The following PLCB1 variants were observed in gnomAD, a reference collection of about 807,000 sequenced individuals.
PLCB1 encodes the protein 1-phosphatidylinositol 4,5-bisphosphate phosphodiesterase beta-1.
Under a neutral mutation model 161.8 loss-of-function variants are expected in PLCB1, and 46 were observed. The ratio of observed to expected loss-of-function variants is 0.28; its 90% CI spans 0.22 to 0.36. PLCB1 has a LOEUF of 0.36. Ranked by LOEUF, PLCB1 falls within the 10% of genes least tolerant of loss-of-function variation. PLCB1 has a pLI of 1.00. For missense variants in PLCB1, 1,016 were observed against 1,472.5 expected (o/e 0.69, Z 5.07); for synonymous variants, 517 against 503.7 (o/e 1.03, Z -0.35).
intron 3 of PLCB1, among the ~76,000 whole-genome samples, chr20:8,425,130 GTT>G (rs10629165): frequency 1.4e-4 from 20 of 140,472 alleles, no homozygotes; most frequent in Non-Finnish European, 1.7e-4. Flanking sequence ...ATTCTGAGGT[GTT>G]TTTTTTTTTT....
intron 2 of PLCB1, among the ~76,000 whole-genome samples, chr20:8,183,773 A>C (rs745544091): frequency 2.6e-5 from 4 of 152,228 alleles, no homozygotes; most frequent in Non-Finnish European, 4.4e-5. Context: ...ACAGGTTTCC[A>C]TATGTTTTTG....
At chr20:8,805,623 G>A (rs866753313) in intron 31 of PLCB1, among the ~76,000 whole-genome samples, 13 of 152,178 alleles carry the variant, frequency 8.5e-5, no homozygotes, top group Admixed American at 2.0e-4. Context: ...CACCTTTAAA[G>A]CACATAACAT....
At chr20:8,516,892 A>G (rs977639745) in intron 3 of PLCB1, among the ~76,000 whole-genome samples, 1 of 151,920 alleles carries the variant, frequency 6.6e-6, no homozygotes, top group Non-Finnish European at 1.5e-5. Flanking sequence ...GCTAAGTACA[A>G]CACAGTTCCA....
chr20:8,779,278 G>A (rs545617079), intron 27 of PLCB1, among the ~76,000 whole-genome samples: 30 of 151,996 alleles, frequency 2.0e-4, no homozygotes, highest in Middle Eastern at 3.4e-3. Flanking sequence ...CACTGGAGAC[G>A]AAAATGAATA....
intron 3 of PLCB1, among the ~76,000 whole-genome samples, chr20:8,580,464 G>A (rs1986800096): frequency 2.0e-5 from 3 of 152,224 alleles, no homozygotes; most frequent in East Asian, 3.9e-4. Flanking sequence ...GTCCTCTTTC[G>A]AGGGTTTTCT....
intron 2 of PLCB1, among the ~76,000 whole-genome samples, chr20:8,324,534 A>G (rs1985065575): frequency 6.6e-6 from 1 of 152,178 alleles, no homozygotes; most frequent in Admixed American, 6.6e-5. Flanking sequence ...CTTACAAACT[A>G]TTACTGGGAA....
chr20:8,641,855 A>G (rs1435926219), intron 4 of PLCB1, among the ~76,000 whole-genome samples: 1 of 152,194 alleles, frequency 6.6e-6, no homozygotes, highest in Non-Finnish European at 1.5e-5. Context: ...TTTTGCATTC[A>G]GTCTCCAAAT....
At chr20:8,782,592 A>G (rs1225356993) in intron 27 of PLCB1, among the ~76,000 whole-genome samples, 1 of 152,042 alleles carries the variant, frequency 6.6e-6, no homozygotes, top group African/African-American at 2.4e-5. Context: ...AGGTCTCACT[A>G]TGTTGCCCAG....
At chr20:8,151,112 A>T (rs2051503855) in intron 2 of PLCB1, among the ~76,000 whole-genome samples, 1 of 152,206 alleles carries the variant, frequency 6.6e-6, no homozygotes, top group Admixed American at 6.5e-5. Flanking sequence ...TGAACCTCAG[A>T]GGCCACAGAA....
chr20:8,546,337 A>G (rs1347619260), intron 3 of PLCB1, among the ~76,000 whole-genome samples: 1 of 148,858 alleles, frequency 6.7e-6, no homozygotes, highest in Non-Finnish European at 1.5e-5. Context: ...AAAAAAAAAA[A>G]AGAAAGAAAC....
intron 31 of PLCB1, among the ~76,000 whole-genome samples, chr20:8,845,354 T>C (rs1481532524): frequency 6.6e-6 from 1 of 152,226 alleles, no homozygotes; most frequent in African/African-American, 2.4e-5. Context: ...TTTAGTATTG[T>C]TTCTCAAATA....
chr20:8,155,625 T>C (rs145030116), intron 2 of PLCB1, among the ~76,000 whole-genome samples: 2 of 152,292 alleles, frequency 1.3e-5, no homozygotes, highest in East Asian at 3.9e-4. Flanking sequence ...AAAGAACTAC[T>C]GGGTACCACA....
intron 31 of PLCB1, among the ~76,000 whole-genome samples, chr20:8,840,128 A>C (rs1028072409): frequency 6.6e-6 from 1 of 151,832 alleles, no homozygotes; most frequent in African/African-American, 2.4e-5. Context: ...TGTTCTGTTC[A>C]TATCACATAG....
chr20:8,734,161 G>A (rs1429129238), intron 19 of PLCB1, among the ~76,000 whole-genome samples: 995 of 62,940 alleles, frequency 0.016, 1 homozygote, highest in East Asian at 0.033. Flanking sequence ...AAAAAAAAAA[G>A]TTTTCATAGG....
intron 2 of PLCB1, among the ~76,000 whole-genome samples, chr20:8,197,272 C>T (rs913004629): frequency 6.6e-6 from 1 of 151,520 alleles, no homozygotes; most frequent in African/African-American, 2.4e-5. Context: ...TGAACCAGTC[C>T]CACCAACAGT....
intron 3 of PLCB1, among the ~76,000 whole-genome samples, chr20:8,450,008 G>C (rs1266828922): frequency 6.6e-6 from 1 of 152,190 alleles, no homozygotes; most frequent in Non-Finnish European, 1.5e-5. Context: ...GCTAATGGTA[G>C]TATATTGAAA....
intron 31 of PLCB1, among the ~76,000 whole-genome samples, chr20:8,819,214 A>G (rs960609122): frequency 6.6e-6 from 1 of 152,206 alleles, no homozygotes; most frequent in African/African-American, 2.4e-5. Context: ...ATAAGCGCAC[A>G]CTGATGTGAG....
chr20:8,185,260 T>C (rs2051890823), intron 2 of PLCB1, among the ~76,000 whole-genome samples: 1 of 152,194 alleles, frequency 6.6e-6, no homozygotes, highest in Non-Finnish European at 1.5e-5. Flanking sequence ...TTTATCTTTT[T>C]ATATATATCT....
chr20:8,170,478 C>A lies in PLCB1; in HGVS notation c.177+20107C>A, dbSNP rs150778601. ...TTTGCAGATTTATTTTAAATCAGAT[C>A]TAAATTTTTAGATTTGCAAGGTCTG... On this transcript the variant is annotated intron_variant, in intron 2 of 31. Coordinates refer to ENST00000338037, the MANE Select transcript of PLCB1 (RefSeq NM_015192.4). Among the ~76,000 whole-genome samples the A allele has an allele frequency of 7.6e-3, 1,161 of 151,908 alleles. 20 individuals carry two copies. The highest frequency in any genetic ancestry group is 0.026 in the African/African-American group (1,077 of 41,406).
Sources: gnomAD v4.1 joint callset for allele counts (sites outside exome capture counted in the v4.1 genomes callset) on GRCh38, gnomAD v4.1.1 for gene constraint, MANE v1.5 for transcripts, NCBI Gene and HGNC (gene_info 2026-07-23, HGNC 2026-07-21) for gene names.